Variants in L3MBTL4 observed in about 807,000 individuals in gnomAD.
L3MBTL4 encodes the protein lethal(3)malignant brain tumor-like protein 4.
L3MBTL4 carries 70 observed loss-of-function variants against 84.5 expected under a neutral mutation model. That is an observed-to-expected ratio of 0.83 (90% confidence interval 0.68 to 1.01). The LOEUF (loss-of-function observed/expected upper bound fraction) is 1.01. L3MBTL4 is among the 50% of genes least tolerant of loss of function. The pLI is 0.00. For synonymous variants in L3MBTL4, 274 were observed against 259.8 expected, an observed-to-expected ratio of 1.05 and a Z score of -0.52; for missense variants, 715 against 754.8, an observed-to-expected ratio of 0.95 and a Z score of 0.62.
chr18:6,360,954 G>C (rs1202423307), intron 1 of L3MBTL4, among the ~76,000 whole-genome samples: 1 of 151,266 alleles, frequency 6.6e-6, no homozygotes, highest in African/African-American at 2.4e-5. Flanking sequence ...CTAGTCCAAG[G>C]CTGCAGTGAG....
At chr18:6,142,287 G>A (rs561355856) in intron 13 of L3MBTL4, among the ~76,000 whole-genome samples, 1 of 152,342 alleles carries the variant, frequency 6.6e-6, no homozygotes, top group African/African-American at 2.4e-5. Context: ...GAACAGGTGA[G>A]TGTTCCACAG....
chr18:6,053,823 T>C (rs2056920731), intron 16 of L3MBTL4, among the ~76,000 whole-genome samples: 1 of 152,210 alleles, frequency 6.6e-6, no homozygotes, highest in African/African-American at 2.4e-5. Context: ...CACAGTCTAG[T>C]GGGCACATAA....
In L3MBTL4 at chr18:6,247,422, T is replaced by C. The variant is rs528055978; in HGVS notation, c.220-2834A>G. Among the ~76,000 whole-genome samples the C allele has an allele frequency of 2.0e-3, 301 of 150,750 alleles. 9 individuals are homozygous for C. The highest frequency in any genetic ancestry group is 8.8e-4 in the Non-Finnish European group (60 of 67,852). On this transcript the variant is annotated intron_variant, in intron 5 of 18. Coordinates refer to ENST00000317931, the MANE Select transcript of L3MBTL4 (RefSeq NM_001330559.2). ...TCCCATACTGTGTCATTGTCTTGTA[T>C]AGCACTGACATGTTTTTAAGAATGC...
chr18:6,182,027 G>GC (rs1485229285), intron 12 of L3MBTL4, among the ~76,000 whole-genome samples: 2 of 152,164 alleles, frequency 1.3e-5, no homozygotes, highest in African/African-American at 4.8e-5. Flanking sequence ...TAATGGGACT[G>GC]CTGGGTTGAA....
At chr18:6,083,235 T>G (rs1250653515) in intron 15 of L3MBTL4, among the ~76,000 whole-genome samples, 1 of 152,206 alleles carries the variant, frequency 6.6e-6, no homozygotes, top group East Asian at 1.9e-4. Context: ...GACTTGACTG[T>G]TGCTGGGCCA....
intron 15 of L3MBTL4, among the ~76,000 whole-genome samples, chr18:6,086,610 C>A (rs1326777233): frequency 6.6e-6 from 1 of 152,086 alleles, no homozygotes; most frequent in African/African-American, 2.4e-5. Flanking sequence ...CTGATCCGGG[C>A]ACAACTCATT....
At chr18:6,165,151 A>C (rs967775468) in intron 13 of L3MBTL4, among the ~76,000 whole-genome samples, 3 of 152,218 alleles carry the variant, frequency 2.0e-5, no homozygotes, top group Admixed American at 6.5e-5. Context: ...AAAAGAAATG[A>C]ACAAAGCCTC....
chr18:6,277,201 T>C (rs1429765488), intron 4 of L3MBTL4, among the ~76,000 whole-genome samples: 1 of 151,138 alleles, frequency 6.6e-6, no homozygotes, highest in African/African-American at 2.4e-5. Context: ...GACGAGTTAG[T>C]GGGTGCAGCG....
At chr18:6,038,342 C>T (rs759003553) in intron 16 of L3MBTL4, among the ~76,000 whole-genome samples, 2 of 150,482 alleles carry the variant, frequency 1.3e-5, no homozygotes, top group Admixed American at 6.7e-5. Context: ...CAAGCTCCGC[C>T]TCTCGGGTTC....
chr18:6,259,934 A>G (rs1285305369), intron 5 of L3MBTL4: 1 of 152,126 alleles, frequency 6.6e-6, no homozygotes, highest in Non-Finnish European at 1.5e-5. Flanking sequence ...TTACATTTAA[A>G]TTATTAATTC....
intron 14 of L3MBTL4, among the ~76,000 whole-genome samples, chr18:6,112,980 C>T (rs755066380): frequency 2.0e-5 from 3 of 152,064 alleles, no homozygotes; most frequent in Non-Finnish European, 4.4e-5. Flanking sequence ...TCCGGGAATG[C>T]ACATGGTAAG....
In L3MBTL4 at chr18:6,054,100, A is replaced by G. The variant is rs961240578; in HGVS notation, c.1444+26781T>C. ...TGCTTTTGTGTGTTTGTCCATTCTT[A>G]GTGATAACATCTTCCCCACTAAAGA... is the stretch of plus-strand genomic sequence containing the variant. On this transcript the variant is annotated intron_variant, in intron 16 of 18. Coordinates refer to ENST00000317931, the MANE Select transcript of L3MBTL4 (RefSeq NM_001330559.2). 1.3e-4 allele frequency among the ~76,000 whole-genome samples: 20 copies of G among 152,082 alleles called. 1 individual carries two copies. Among genetic ancestry groups the G allele is most frequent in the African/African-American group, 4.1e-4 (17 of 41,404 alleles).
rs529963900 is a variant in L3MBTL4 at position 6,115,973 on chromosome 18, G to T, written c.1199+22221C>A. Among the ~76,000 whole-genome samples, 4 of 152,326 alleles carry T rather than the reference G, an allele frequency of 2.6e-5. 1 individual carries two copies. In the South Asian group the frequency reaches 8.3e-4, roughly 32 times the overall value. On this transcript the variant is annotated intron_variant, in intron 14 of 18. Coordinates refer to ENST00000317931, the MANE Select transcript of L3MBTL4 (RefSeq NM_001330559.2). ...GGAATTTCTGCATGGGTTGGGCAGAGAGGAGGACCAGAAAGAACCCTGAGC... is the reference window on the plus strand; with the variant it reads ...GGAATTTCTGCATGGGTTGGGCAGATAGGAGGACCAGAAAGAACCCTGAGC...
chr18:6,105,800 CAA>C (rs530044057), intron 14 of L3MBTL4, among the ~76,000 whole-genome samples: 63 of 96,148 alleles, frequency 6.6e-4, no homozygotes, highest in African/African-American at 8.7e-4. Flanking sequence ...AACTCTGTCT[CAA>C]AAAAAAAAAA....
chr18:6,372,201 G>T (rs879507286), intron 1 of L3MBTL4, among the ~76,000 whole-genome samples: 1 of 152,164 alleles, frequency 6.6e-6, no homozygotes, highest in Non-Finnish European at 1.5e-5. Flanking sequence ...CTAAAAAAGT[G>T]GTGGCTGCCC....
chr18:6,043,057 A>G (rs142077881), intron 16 of L3MBTL4, among the ~76,000 whole-genome samples: 428 of 152,248 alleles, frequency 2.8e-3, no homozygotes, highest in Non-Finnish European at 4.1e-3. Flanking sequence ...CATCCTTAAT[A>G]CTTCCTGTCT....
In L3MBTL4 at chr18:5,956,062, C is replaced by A; in HGVS notation, c.*158G>T. 1.4e-6 allele frequency: 1 copy of A among 691,154 alleles called. No homozygotes were observed. The highest frequency in any genetic ancestry group is 2.4e-6 in the Non-Finnish European group (1 of 411,580). 42.8% of individuals were successfully genotyped at this position (691,154 alleles called of 1,614,324 possible). A position where few individuals can be genotyped will look rare whatever the true frequency, so the allele number is the denominator to read the frequency against. ...GAGTCATTGGCACTGGACCAGTCAT[C>A]AAAATCCTCTAAACATGTAAACAAA... On this transcript the variant is annotated 3_prime_UTR_variant, in exon 19 of 19. Transcript: ENST00000317931.
At chr18:6,411,304 G>A (rs2055954424) in intron 1 of L3MBTL4, among the ~76,000 whole-genome samples, 2 of 152,014 alleles carry the variant, frequency 1.3e-5, no homozygotes, top group Admixed American at 6.5e-5. Flanking sequence ...TCAATTGGAG[G>A]TATGTTCCTA....
chr18:6,407,286 C>G (rs182380843), intron 1 of L3MBTL4, among the ~76,000 whole-genome samples: 2 of 152,184 alleles, frequency 1.3e-5, no homozygotes, highest in Non-Finnish European at 2.9e-5. Flanking sequence ...GGTCTGTTAA[C>G]CTTAACAGTT....
Sources: gnomAD v4.1 joint callset for allele counts (sites outside exome capture counted in the v4.1 genomes callset) on GRCh38, gnomAD v4.1.1 for gene constraint, MANE v1.5 for transcripts, NCBI Gene and HGNC (gene_info 2026-07-23, HGNC 2026-07-21) for gene names.